TRHDE: variants seen among roughly 807,000 people sequenced by gnomAD.
The protein encoded by TRHDE is thyrotropin-releasing hormone-degrading ectoenzyme.
A neutral mutation model predicts 125.7 loss-of-function variants in TRHDE; 72 were observed. That is an observed-to-expected ratio of 0.57 (90% CI 0.47 to 0.70). The LOEUF is 0.70. TRHDE is among the 30% of genes least tolerant of loss of function. The probability of loss-of-function intolerance (pLI) is 0.00; values close to 1 mark genes in which losing one functional copy is unlikely to be tolerated. For synonymous variants in TRHDE, 509 were observed against 509.1 expected (o/e 1.00, Z 0.00); for missense variants, 1,110 against 1,327.1 (o/e 0.84, Z 2.54).
intron 18 of TRHDE, among the ~76,000 whole-genome samples, chr12:72,661,138 G>A (rs1325528618): frequency 2.0e-5 from 3 of 152,184 alleles, no homozygotes; most frequent in African/African-American, 4.8e-5. Flanking sequence ...TTTAAGAAGT[G>A]AATCTCTAGA....
chr12:72,439,880 G>A (rs1874919245), intron 3 of TRHDE, among the ~76,000 whole-genome samples: 1 of 151,694 alleles, frequency 6.6e-6, no homozygotes, highest in Non-Finnish European at 1.5e-5. Context: ...ACTGAGTATT[G>A]TGTTAGTTGT....
chr12:72,336,540 G>T (rs1479870371), intron 2 of TRHDE, among the ~76,000 whole-genome samples: 1 of 152,124 alleles, frequency 6.6e-6, no homozygotes, highest in African/African-American at 2.4e-5. Context: ...TAGAGCCTTG[G>T]TACTTGTATT....
intron 3 of TRHDE, among the ~76,000 whole-genome samples, chr12:72,394,934 A>C (rs1872734157): frequency 6.6e-6 from 1 of 152,234 alleles, no homozygotes; most frequent in South Asian, 2.1e-4. Flanking sequence ...TAAATTAAAA[A>C]ATTTTACATA....
chr12:72,222,002 G>T (rs1878010728), intron 2 of TRHDE, among the ~76,000 whole-genome samples: 1 of 152,072 alleles, frequency 6.6e-6, no homozygotes, highest in Non-Finnish European at 1.5e-5. Flanking sequence ...GTGACTTTGG[G>T]CTGCCTCACA....
At chr12:72,274,709 T>C (rs1367048639) in intron 1 of TRHDE, 3 of 151,880 alleles carry the variant, frequency 2.0e-5, no homozygotes, top group Admixed American at 2.0e-4. Context: ...ACCCAGGGAG[T>C]CTGGCTCTTG....
intron 12 of TRHDE, among the ~76,000 whole-genome samples, chr12:72,604,379 C>G (rs993704548): frequency 2.1e-4 from 32 of 151,924 alleles, no homozygotes; most frequent in African/African-American, 6.8e-4. Context: ...CTAAAACTGT[C>G]AATTTTGAAG....
At chr12:72,361,475 A>G (rs1473881748) in intron 2 of TRHDE, among the ~76,000 whole-genome samples, 1 of 151,854 alleles carries the variant, frequency 6.6e-6, no homozygotes, top group Admixed American at 6.6e-5. Flanking sequence ...AAATATCAAC[A>G]TTAAATCTGT....
chr12:72,091,958 C>G (rs1013066616), intron 1 of TRHDE, among the ~76,000 whole-genome samples: 6 of 152,148 alleles, frequency 3.9e-5, no homozygotes, highest in African/African-American at 1.4e-4. Context: ...TTCTTCTTCC[C>G]CTGGACCCTT....
intron 2 of TRHDE, among the ~76,000 whole-genome samples, chr12:72,359,856 G>C (rs1056823436): frequency 1.3e-5 from 2 of 151,696 alleles, no homozygotes; most frequent in African/African-American, 4.8e-5. Flanking sequence ...GTCTTACAAG[G>C]CTTCAGGATT....
intron 2 of TRHDE, among the ~76,000 whole-genome samples, chr12:72,233,350 G>T (rs1878282779): frequency 6.6e-6 from 1 of 152,056 alleles, no homozygotes; most frequent in African/African-American, 2.4e-5. Flanking sequence ...TTCTCAAGGG[G>T]GGCAGAAAGG....
chr12:72,543,333 A>C (rs77426490), intron 7 of TRHDE, among the ~76,000 whole-genome samples: 3,341 of 151,488 alleles, frequency 0.022, 73 homozygotes, highest in Non-Finnish European at 0.024. Flanking sequence ...ATAAAAATAA[A>C]TTTTTTGAAG....
chr12:72,220,081 C>CA (rs1877972416), intron 2 of TRHDE, among the ~76,000 whole-genome samples: 1 of 152,114 alleles, frequency 6.6e-6, no homozygotes, highest in South Asian at 2.1e-4. Flanking sequence ...TGCATACTTT[C>CA]AGACCAGTTT....
At chr12:72,449,454 A>G (rs1400232085) in intron 3 of TRHDE, among the ~76,000 whole-genome samples, 4 of 151,938 alleles carry the variant, frequency 2.6e-5, no homozygotes, top group Admixed American at 1.3e-4. Flanking sequence ...GGCATTGTGT[A>G]CACACTGCCT....
chr12:72,232,208 C>T (rs780350406), intron 2 of TRHDE, among the ~76,000 whole-genome samples: 2 of 152,170 alleles, frequency 1.3e-5, no homozygotes, highest in Admixed American at 6.5e-5. Context: ...AGGGCAGGCA[C>T]AGACAGAGAC....
At chr12:72,344,360 TATA>T (rs1250383094) in intron 2 of TRHDE, among the ~76,000 whole-genome samples, 1 of 152,190 alleles carries the variant, frequency 6.6e-6, no homozygotes, top group Non-Finnish European at 1.5e-5. Flanking sequence ...AGGTTGCTGC[TATA>T]ATTATCACAT....
chr12:72,566,392 T>C (rs1382616480), intron 9 of TRHDE, among the ~76,000 whole-genome samples: 1 of 151,810 alleles, frequency 6.6e-6, no homozygotes, highest in Non-Finnish European at 1.5e-5. Flanking sequence ...ATAAGGTTTA[T>C]AGTTTAACTT....
At chr12:72,639,387 A>T (rs1873928457) in intron 15 of TRHDE, among the ~76,000 whole-genome samples, 4 of 150,304 alleles carry the variant, frequency 2.7e-5, no homozygotes, top group Non-Finnish European at 4.4e-5. Context: ...TGTATTGGTT[A>T]TTCTAGTTAT....
intron 7 of TRHDE, among the ~76,000 whole-genome samples, chr12:72,543,950 C>A (rs1164004238): frequency 6.6e-6 from 1 of 151,054 alleles, no homozygotes; most frequent in Non-Finnish European, 1.5e-5. Flanking sequence ...TAGAATATAG[C>A]CTCTGACTCA....
At chr12:72,496,096 G>T (rs187906697) in intron 5 of TRHDE, among the ~76,000 whole-genome samples, 89 of 152,172 alleles carry the variant, frequency 5.8e-4, no homozygotes, top group Admixed American at 1.7e-3. Context: ...TTATCATGGT[G>T]GCCTTAAAAT....
Sources: gnomAD v4.1 joint callset for allele counts (sites outside exome capture counted in the v4.1 genomes callset) on GRCh38, gnomAD v4.1.1 for gene constraint, MANE v1.5 for transcripts, NCBI Gene and HGNC (gene_info 2026-07-23, HGNC 2026-07-21) for gene names.